CDH12: variants seen among roughly 807,000 people sequenced by gnomAD.
CDH12 encodes the protein cadherin-12.
A neutral mutation model predicts 74.1 loss-of-function variants in CDH12; 41 were observed. The observed-to-expected ratio is 0.55, with a 90% CI of 0.43 to 0.72. The LOEUF is 0.72. CDH12 is among the 30% of genes least tolerant of loss of function. CDH12 has a pLI of 0.00. For synonymous variants in CDH12, 399 were observed against 355.0 expected (o/e 1.12, Z -1.39); for missense variants, 945 against 977.2 (o/e 0.97, Z 0.44).
At chr5:22,511,638 G>C (rs984689584) in intron 1 of CDH12, among the ~76,000 whole-genome samples, 16 of 152,274 alleles carry the variant, frequency 1.1e-4, no homozygotes, top group Middle Eastern at 3.4e-3. Flanking sequence ...TCGTGGGTTG[G>C]TAATCCACAT....
intron 4 of CDH12, among the ~76,000 whole-genome samples, chr5:22,103,506 T>C (rs915268679): frequency 6.6e-6 from 1 of 152,336 alleles, no homozygotes; most frequent in South Asian, 2.1e-4. Flanking sequence ...CTTAGACAGG[T>C]GCTGAGCTCC....
intron 4 of CDH12, among the ~76,000 whole-genome samples, chr5:22,105,521 A>C (rs1236784173): frequency 6.6e-6 from 1 of 150,582 alleles, no homozygotes; most frequent in African/African-American, 2.4e-5. Context: ...TACATGGTGA[A>C]ACCCTGTCTC....
intron 6 of CDH12, among the ~76,000 whole-genome samples, chr5:21,865,562 G>C (rs921852634): frequency 6.6e-6 from 1 of 152,040 alleles, no homozygotes; most frequent in Non-Finnish European, 1.5e-5. Flanking sequence ...ACTATCTAGG[G>C]ACTCTGCTTC....
At chr5:22,852,527 A>C (rs926063641) in intron 1 of CDH12, among the ~76,000 whole-genome samples, 1 of 152,242 alleles carries the variant, frequency 6.6e-6, no homozygotes, top group East Asian at 1.9e-4. Flanking sequence ...GGAAACTCAA[A>C]TGGCTGTACC....
intron 1 of CDH12, among the ~76,000 whole-genome samples, chr5:22,841,226 T>A (rs989544400): frequency 3.9e-5 from 6 of 152,120 alleles, no homozygotes; most frequent in Non-Finnish European, 8.8e-5. Flanking sequence ...ATTGGTAGGA[T>A]CCTACACATA....
At chr5:22,846,707 T>C (rs1428591604) in intron 1 of CDH12, among the ~76,000 whole-genome samples, 1 of 152,204 alleles carries the variant, frequency 6.6e-6, no homozygotes, top group African/African-American at 2.4e-5. Flanking sequence ...GCTTTTGTGA[T>C]GTTTTGTGTG....
intron 1 of CDH12, among the ~76,000 whole-genome samples, chr5:22,684,868 C>T (rs2126934257): frequency 6.6e-6 from 1 of 152,234 alleles, no homozygotes; most frequent in African/African-American, 2.4e-5. Flanking sequence ...TTAACCTTTA[C>T]TTAAATCAAT....
chr5:21,843,549 T>C (rs1399232988), intron 7 of CDH12, among the ~76,000 whole-genome samples: 2 of 151,866 alleles, frequency 1.3e-5, no homozygotes, highest in African/African-American at 4.8e-5. Context: ...AGTTTCTCTC[T>C]TGTTGCCCAG....
At chr5:22,800,142 A>T (rs1748436683) in intron 1 of CDH12, among the ~76,000 whole-genome samples, 1 of 152,208 alleles carries the variant, frequency 6.6e-6, no homozygotes, top group South Asian at 2.1e-4. Flanking sequence ...AGCTACAGAC[A>T]TGTTTTGTAA....
intron 4 of CDH12, among the ~76,000 whole-genome samples, chr5:22,153,903 T>TATACACAC (rs1478012877): frequency 2.5e-4 from 28 of 111,136 alleles, no homozygotes; most frequent in African/African-American, 8.3e-4. Flanking sequence ...TATATATATA[T>TATACACAC]ACACACACAT....
At chr5:22,326,530 C>T (rs888558397) in intron 3 of CDH12, among the ~76,000 whole-genome samples, 1 of 152,164 alleles carries the variant, frequency 6.6e-6, no homozygotes, top group Admixed American at 6.5e-5. Flanking sequence ...CCACCGCGCC[C>T]GGCCTCCAGG....
intron 1 of CDH12, among the ~76,000 whole-genome samples, chr5:22,585,797 T>A (rs1404649106): frequency 1.3e-5 from 2 of 152,196 alleles, no homozygotes; most frequent in Non-Finnish European, 2.9e-5. Flanking sequence ...TTCTAGGTCG[T>A]TCTTTCAAAA....
chr5:21,932,356 A>T (rs1218276920), intron 6 of CDH12, among the ~76,000 whole-genome samples: 1 of 152,208 alleles, frequency 6.6e-6, no homozygotes, highest in Non-Finnish European at 1.5e-5. Context: ...TTTTCTGGAT[A>T]TTGGAACATC....
intron 5 of CDH12, among the ~76,000 whole-genome samples, chr5:21,992,856 T>A (rs1232941294): frequency 1.3e-5 from 2 of 152,128 alleles, no homozygotes; most frequent in Non-Finnish European, 2.9e-5. Flanking sequence ...TACCTGAGAC[T>A]GGGTAATTTA....
intron 3 of CDH12, among the ~76,000 whole-genome samples, chr5:22,355,059 A>T (rs987948311): frequency 6.6e-6 from 1 of 152,274 alleles, no homozygotes; most frequent in Admixed American, 6.5e-5. Flanking sequence ...GCTGTTTATC[A>T]TGGCCATAAA....
chr5:22,851,940 C>T (rs1407561525), intron 1 of CDH12, among the ~76,000 whole-genome samples: 1 of 152,136 alleles, frequency 6.6e-6, no homozygotes, highest in Non-Finnish European at 1.5e-5. Flanking sequence ...ATTTTATAAC[C>T]TTACAACTGC....
intron 3 of CDH12, among the ~76,000 whole-genome samples, chr5:22,242,108 T>C (rs1000203616): frequency 2.6e-5 from 4 of 152,182 alleles, no homozygotes; most frequent in African/African-American, 9.6e-5. Context: ...TGTATTCACT[T>C]GAACTAACTC....
intron 3 of CDH12, among the ~76,000 whole-genome samples, chr5:22,274,509 T>A (rs1561274102): frequency 6.6e-6 from 1 of 152,102 alleles, no homozygotes; most frequent in Non-Finnish European, 1.5e-5. Flanking sequence ...ATTTTTTAAA[T>A]GGATATAATT....
chr5:22,330,422 C>G (rs6876276), intron 3 of CDH12, among the ~76,000 whole-genome samples: 1,726 of 152,074 alleles, frequency 0.011, 37 homozygotes, highest in African/African-American at 0.039. Flanking sequence ...AGAACATTCC[C>G]AGCTGTGGAG....
Sources: gnomAD v4.1 joint callset for allele counts (sites outside exome capture counted in the v4.1 genomes callset) on GRCh38, gnomAD v4.1.1 for gene constraint, MANE v1.5 for transcripts, NCBI Gene and HGNC (gene_info 2026-07-23, HGNC 2026-07-21) for gene names.